Variants in CACNA2D1 observed in about 807,000 individuals in gnomAD.
The protein encoded by CACNA2D1 is calcium voltage-gated channel auxiliary subunit alpha2delta 1, also known as voltage-dependent calcium channel subunit alpha-2/delta-1.
A neutral mutation model predicts 171.5 loss-of-function variants in CACNA2D1; 53 were observed. That is an observed-to-expected ratio of 0.31 (90% CI 0.25 to 0.39). The LOEUF is 0.39. CACNA2D1 is among the 10% of genes least tolerant of loss of function. The pLI is 1.00. For missense variants in CACNA2D1, 903 were observed against 1,299.8 expected (o/e 0.69, Z 4.69); for synonymous variants, 442 against 443.1 (o/e 1.00, Z 0.03).
intron 4 of CACNA2D1, among the ~76,000 whole-genome samples, chr7:82,164,666 G>C (rs955196449): frequency 1.8e-4 from 27 of 151,854 alleles, no homozygotes; most frequent in Admixed American, 3.9e-4. Context: ...AAAGGGCTTA[G>C]TATACCCTAA....
chr7:82,011,813 T>C (rs551888468), intron 15 of CACNA2D1, among the ~76,000 whole-genome samples: 6 of 152,268 alleles, frequency 3.9e-5, no homozygotes, highest in Admixed American at 1.3e-4. Flanking sequence ...TCTGCAAAAA[T>C]AGATTCTAAT....
At position 82,007,671 on chromosome 7, in the gene CACNA2D1, C is replaced by G; in HGVS notation, c.1440+8G>C. 2 of 1,423,784 alleles carry G rather than the reference C, an allele frequency of 1.4e-6. No individual in the cohort carries two copies. Among genetic ancestry groups the G allele is most frequent in the Non-Finnish European group, 2.0e-6 (2 of 1,009,680 alleles). 88.2% of individuals were successfully genotyped at this position (1,423,784 alleles called of 1,614,324 possible). A position where few individuals can be genotyped will look rare whatever the true frequency, so the allele number is the denominator to read the frequency against. On this transcript the variant is annotated splice_region_variant and intron_variant, in intron 16 of 38. Transcript: ENST00000356860. The stretch of plus-strand genomic sequence containing the variant: ...TATTATTATTAATTTTATCAATTAA[C>G]TTTTAACCTTTAAGTTTGTCTTATT...
At chr7:82,292,001 G>T (rs188214664) in intron 3 of CACNA2D1, among the ~76,000 whole-genome samples, 134 of 148,276 alleles carry the variant, frequency 9.0e-4, no homozygotes, top group Middle Eastern at 3.6e-3. Flanking sequence ...ACACATGCAC[G>T]CACACACACA....
rs149970876 is a variant in CACNA2D1, at chr7:82,156,611, A to G, written c.354+13939T>C. 1.1e-3 allele frequency among the ~76,000 whole-genome samples: 163 copies of G among 149,426 alleles called. 3 individuals are homozygous for G. The East Asian group carries it at 0.03, about 27-fold the overall frequency. On this transcript the variant is annotated intron_variant, in intron 4 of 38. Coordinates refer to ENST00000356860, the MANE Select transcript of CACNA2D1 (RefSeq NM_000722.4). ...TTAAAAGTATATAAATAAGAACTAT[A>G]ATTTTAGTATAATAGTAAATAAATT...
Position 82,230,810 on chromosome 7 carries a change from A to G in CACNA2D1, c.295-60201T>C, listed in dbSNP as rs554183470. ...ACATATCTCTGAGAATACCAGTATA[A>G]GAAAAGCATCCTTGGCTTTCTTTTT... On this transcript the variant is annotated intron_variant, in intron 3 of 38. Coordinates refer to ENST00000356860, the MANE Select transcript of CACNA2D1 (RefSeq NM_000722.4). Among the ~76,000 whole-genome samples the G allele has an allele frequency of 2.6e-5, 4 of 151,846 alleles. No homozygotes were observed. The East Asian group carries it at 7.7e-4, about 29-fold the overall frequency.
chr7:81,995,152 AAC>A, intron 19 of CACNA2D1, among the ~76,000 whole-genome samples: 1 of 152,200 alleles, frequency 6.6e-6, no homozygotes, highest in Non-Finnish European at 1.5e-5. Context: ...AAAATAATAA[AAC>A]ACCCTTAATG....
chr7:81,984,912 C>T (rs1444010303), intron 21 of CACNA2D1, among the ~76,000 whole-genome samples: 1 of 152,116 alleles, frequency 6.6e-6, no homozygotes, highest in Non-Finnish European at 1.5e-5. Flanking sequence ...TAGCTCTCTA[C>T]ATTGTAGGGA....
chr7:82,360,892 C>A (rs1821010784), intron 1 of CACNA2D1, among the ~76,000 whole-genome samples: 1 of 152,104 alleles, frequency 6.6e-6, no homozygotes, highest in African/African-American at 2.4e-5. Flanking sequence ...TATTAACTTG[C>A]AAATTAGAAA....
intron 3 of CACNA2D1, among the ~76,000 whole-genome samples, chr7:82,242,698 T>C (rs778450020): frequency 1.1e-4 from 16 of 152,180 alleles, no homozygotes; most frequent in Non-Finnish European, 1.6e-4. Context: ...TTATATGATA[T>C]AGAAAATTTT....
chr7:81,972,151 C>T (rs535729440), intron 25 of CACNA2D1, among the ~76,000 whole-genome samples: 6 of 151,524 alleles, frequency 4.0e-5, no homozygotes, highest in South Asian at 4.2e-4. Context: ...AGGAAATAGT[C>T]CTTCTTTTGT....
At chr7:82,329,761 G>A (rs551684576) in intron 3 of CACNA2D1, among the ~76,000 whole-genome samples, 2 of 151,994 alleles carry the variant, frequency 1.3e-5, no homozygotes, top group East Asian at 1.9e-4. Flanking sequence ...AGATATAGAC[G>A]TAGCAAATGT....
At chr7:82,305,935 G>A (rs1417890423) in intron 3 of CACNA2D1, among the ~76,000 whole-genome samples, 1 of 152,116 alleles carries the variant, frequency 6.6e-6, no homozygotes. Context: ...AGATACCCAG[G>A]TGTCTATCTG....
intron 4 of CACNA2D1, among the ~76,000 whole-genome samples, chr7:82,142,839 C>G (rs1792554973): frequency 6.6e-6 from 1 of 150,694 alleles, no homozygotes; most frequent in Non-Finnish European, 1.5e-5. Flanking sequence ...GTTAATGATT[C>G]ATGCCAGCCA....
intron 3 of CACNA2D1, among the ~76,000 whole-genome samples, chr7:82,289,801 A>AACTACTCT: frequency 6.6e-6 from 1 of 152,254 alleles, no homozygotes; most frequent in African/African-American, 2.4e-5. Context: ...AGTAGTTGGC[A>AACTACTCT]GAGTGCTTGG....
intron 2 of CACNA2D1, among the ~76,000 whole-genome samples, chr7:82,341,436 T>A (rs570681417): frequency 1.9e-4 from 29 of 152,234 alleles, no homozygotes; most frequent in Admixed American, 7.8e-4. Flanking sequence ...CAAAACCTCC[T>A]TTTCCCCATG....
At chr7:82,060,200 AT>A (rs1242342886) in intron 10 of CACNA2D1, among the ~76,000 whole-genome samples, 396 of 9,250 alleles carry the variant, frequency 0.043, 36 homozygotes, top group African/African-American at 0.062. Flanking sequence ...TTATATATAT[AT>A]TATATATATA....
intron 3 of CACNA2D1, among the ~76,000 whole-genome samples, chr7:82,223,724 C>T (rs549742531): frequency 1.9e-4 from 29 of 152,274 alleles, no homozygotes; most frequent in African/African-American, 6.3e-4. Context: ...TCACTTAAAC[C>T]GCTGCAATAG....
chr7:82,136,578 G>A (rs1791640413), intron 5 of CACNA2D1, 57 bp downstream of exon 5: 1 of 1,321,200 alleles, frequency 7.6e-7, no homozygotes, highest in Admixed American at 1.9e-5. Flanking sequence ...TTCTATATAA[G>A]GCCAATCATT....
rs772938422 is a variant in CACNA2D1, at chr7:81,968,964, G to A, written c.2318C>T (p.Pro773Leu). The change falls in exon 29 of 39, where the codon CCT becomes CTT. Residue 773 changes from proline to leucine, a missense_variant. Physicochemically the swap from Pro to Leu is moderately conservative, Grantham distance 98 (BLOSUM62 -3). This residue lies in a region of CACNA2D1 where 623 missense variants were observed against 925.5 expected (regional missense o/e 0.67). Coordinates refer to ENST00000356860, the MANE Select transcript of CACNA2D1 (RefSeq NM_000722.4). ...CATAATGCCCGATTCATAGGCACCA[G>A]GTCCACTTTCTAAAAAAAAAATAAA... ...FTAPYFNKSG[P>L]GAYESGIMVS... 5.7e-6 allele frequency: 9 copies of A among 1,569,492 alleles called. No homozygotes were observed. The East Asian group carries it at 1.6e-4, about 27-fold the overall frequency.
Sources: gnomAD v4.1 joint callset for allele counts (sites outside exome capture counted in the v4.1 genomes callset) on GRCh38, gnomAD v4.1.1 for gene constraint, gnomAD v4.1.1 regional missense constraint, MANE v1.5 for transcripts, NCBI Gene and HGNC (gene_info 2026-07-23, HGNC 2026-07-21) for gene names.